Variants in MACROD2 observed in about 807,000 individuals in gnomAD.
MACROD2 encodes ADP-ribose glycohydrolase MACROD2.
Under a neutral mutation model 70.4 loss-of-function variants are expected in MACROD2, and 36 were observed. The observed-to-expected ratio is 0.51, with a 90% confidence interval of 0.39 to 0.68. The LOEUF (loss-of-function observed/expected upper bound fraction) is 0.68, where lower values mean the gene tolerates loss of function less well. Ranked by LOEUF, MACROD2 falls within the 30% of genes least tolerant of loss-of-function variation. The pLI, the probability that MACROD2 is intolerant of heterozygous loss-of-function variation, is 0.00. For synonymous variants in MACROD2, 172 were observed against 178.8 expected (o/e 0.96, Z 0.30); for missense variants, 496 against 538.4 (o/e 0.92, Z 0.78).
rs186990337 is a variant in MACROD2, at chr20:15,182,596, A to T, written c.419-47344A>T. ...TTATCTTTTCTGGCACTCAGAGCAC[A>T]GGAGCATTATTTATAACTTAGAGGC... On this transcript the variant is annotated intron_variant, in intron 5 of 17. Transcript: ENST00000684519. 2.0e-5 allele frequency among the ~76,000 whole-genome samples: 3 copies of T among 152,346 alleles called. No homozygotes were observed. In the East Asian group the frequency reaches 5.8e-4, roughly 29 times the overall value.
chr20:15,085,977 G>C (rs2075745968), intron 5 of MACROD2, among the ~76,000 whole-genome samples: 1 of 150,932 alleles, frequency 6.6e-6, no homozygotes, highest in East Asian at 2.0e-4. Context: ...TATCAACACT[G>C]CTTGAAACTT....
intron 5 of MACROD2, among the ~76,000 whole-genome samples, chr20:15,138,593 A>G (rs1159623099): frequency 2.0e-5 from 3 of 152,142 alleles, no homozygotes; most frequent in African/African-American, 7.2e-5. Flanking sequence ...AAATAATTCA[A>G]CCTTCAAAAA....
At chr20:15,872,620 AC>A (rs2064602093) in intron 9 of MACROD2, among the ~76,000 whole-genome samples, 1 of 152,222 alleles carries the variant, frequency 6.6e-6, no homozygotes, top group Non-Finnish European at 1.5e-5. Context: ...AGATATGTAC[AC>A]CAAGCATCAT....
chr20:15,794,404 T>C (rs971906293), intron 8 of MACROD2, among the ~76,000 whole-genome samples: 1 of 152,238 alleles, frequency 6.6e-6, no homozygotes, highest in Non-Finnish European at 1.5e-5. Context: ...AATCCCTGTC[T>C]TGCCAACCCT....
chr20:15,709,843 G>C (rs2050597950), intron 8 of MACROD2, among the ~76,000 whole-genome samples: 1 of 152,020 alleles, frequency 6.6e-6, no homozygotes, highest in African/African-American at 2.4e-5. Flanking sequence ...ATTGTTTACT[G>C]TAGCCACCCT....
intron 5 of MACROD2, among the ~76,000 whole-genome samples, chr20:15,038,202 T>A (rs2123018631): frequency 6.6e-6 from 1 of 152,350 alleles, no homozygotes; most frequent in Admixed American, 6.5e-5. Flanking sequence ...GTTTCTTAAT[T>A]CTTTGGTATG....
At chr20:15,045,719 G>GTTTTTTTT (rs71335981) in intron 5 of MACROD2, among the ~76,000 whole-genome samples, 28 of 73,396 alleles carry the variant, frequency 3.8e-4, no homozygotes, top group East Asian at 9.1e-4. Context: ...CCAGACCAGG[G>GTTTTTTTT]TTTTTTTTTT....
chr20:15,194,382 G>A (rs2076591961), intron 5 of MACROD2, among the ~76,000 whole-genome samples: 1 of 151,356 alleles, frequency 6.6e-6, no homozygotes, highest in African/African-American at 2.4e-5. Flanking sequence ...GGATGACCTT[G>A]ATTACATGAT....
intron 8 of MACROD2, among the ~76,000 whole-genome samples, chr20:15,562,170 C>A (rs2048253142): frequency 1.3e-5 from 2 of 152,218 alleles, no homozygotes; most frequent in East Asian, 1.9e-4. Flanking sequence ...CTGCCTACTG[C>A]CCCACCCCCA....
At chr20:14,150,685 C>G (rs2055007268) in intron 3 of MACROD2, among the ~76,000 whole-genome samples, 1 of 151,846 alleles carries the variant, frequency 6.6e-6, no homozygotes, top group Middle Eastern at 3.4e-3. Context: ...TTTCGGCTTT[C>G]TTTTAAAGAG....
At chr20:15,773,355 A>C (rs1172654301) in intron 8 of MACROD2, among the ~76,000 whole-genome samples, 5 of 152,078 alleles carry the variant, frequency 3.3e-5, no homozygotes, top group Admixed American at 2.6e-4. Flanking sequence ...ATTCTTTAAA[A>C]TGAGGGGACA....
intron 8 of MACROD2, among the ~76,000 whole-genome samples, chr20:15,643,015 T>G (rs957504444): frequency 2.0e-5 from 3 of 152,244 alleles, no homozygotes; most frequent in African/African-American, 2.4e-5. Context: ...TTATCCACTT[T>G]GCTTTAGCTG....
rs149529060 is a variant in MACROD2, at chr20:15,880,182, C to A, written c.728-5582C>A. 2.5e-4 allele frequency among the ~76,000 whole-genome samples: 38 copies of A among 152,210 alleles called. No individual in the cohort carries two copies. In the East Asian group the frequency reaches 6.8e-3, roughly 27 times the overall value. On this transcript the variant is annotated intron_variant, in intron 9 of 17. Transcript: ENST00000684519. Reference sequence around the variant, plus strand: ...GAGCACTCTGGACCAGTCACCTTGACACATAAAATTAACCATCACTCCTGG... The same window carrying A: ...GAGCACTCTGGACCAGTCACCTTGAAACATAAAATTAACCATCACTCCTGG...
At chr20:14,900,798 T>A (rs2073886455) in intron 5 of MACROD2, among the ~76,000 whole-genome samples, 1 of 152,002 alleles carries the variant, frequency 6.6e-6, no homozygotes, top group African/African-American at 2.4e-5. Flanking sequence ...ATTCTCTATT[T>A]CATTTGTTTC....
At chr20:15,115,417 T>A (rs984209077) in intron 5 of MACROD2, among the ~76,000 whole-genome samples, 14 of 151,934 alleles carry the variant, frequency 9.2e-5, no homozygotes, top group African/African-American at 3.4e-4. Flanking sequence ...AGAGATGGGG[T>A]CTTCCTATGT....
intron 8 of MACROD2, among the ~76,000 whole-genome samples, chr20:15,758,489 C>G (rs936243649): frequency 1.3e-5 from 2 of 151,714 alleles, no homozygotes; most frequent in Non-Finnish European, 2.9e-5. Context: ...ATCCGACTGC[C>G]TCAGCCTCCC....
intron 3 of MACROD2, among the ~76,000 whole-genome samples, chr20:14,152,110 C>T (rs2148711833): frequency 6.6e-6 from 1 of 152,200 alleles, no homozygotes; most frequent in East Asian, 1.9e-4. Context: ...CGTGAGCCAC[C>T]ACGCCCAGCC....
chr20:15,863,056 C>T (rs531031432), intron 9 of MACROD2, among the ~76,000 whole-genome samples: 3 of 151,754 alleles, frequency 2.0e-5, no homozygotes, highest in South Asian at 2.1e-4. Flanking sequence ...TCTTGGTTCT[C>T]GGTGCCTCAC....
At chr20:15,143,969 A>G (rs1437306912) in intron 5 of MACROD2, among the ~76,000 whole-genome samples, 7 of 151,812 alleles carry the variant, frequency 4.6e-5, no homozygotes, top group Non-Finnish European at 1.0e-4. Flanking sequence ...TCGCAAAAAA[A>G]AAAAAACCTC....
Sources: gnomAD v4.1 joint callset for allele counts (sites outside exome capture counted in the v4.1 genomes callset) on GRCh38, gnomAD v4.1.1 for gene constraint, MANE v1.5 for transcripts, NCBI Gene and HGNC (gene_info 2026-07-23, HGNC 2026-07-21) for gene names.